Variants in MYO6 observed in about 807,000 individuals in gnomAD.
MYO6 encodes the protein myosin VI.
In MYO6, 74 loss-of-function variants were observed where a neutral mutation model predicts 178.7. That is an observed-to-expected ratio of 0.41 (90% CI 0.34 to 0.50). The LOEUF is 0.50. MYO6 is among the 20% of genes least tolerant of loss of function. The pLI is 0.09. For synonymous variants in MYO6, 477 were observed against 504.6 expected (o/e 0.95, Z 0.73); for missense variants, 1,330 against 1,547.4 (o/e 0.86, Z 2.36).
intron 26 of MYO6, among the ~76,000 whole-genome samples, chr6:75,890,996 C>A (rs1386669347): frequency 6.6e-6 from 1 of 152,128 alleles, no homozygotes; most frequent in South Asian, 2.1e-4. Context: ...TAACCACATT[C>A]ATCTAGAGAT....
chr6:75,886,853 T>C lies in MYO6; in HGVS notation c.2517T>C (p.Gly839=), dbSNP rs112597191. 2.7e-4 allele frequency: 431 copies of C among 1,613,744 alleles called. 1 individual carries two copies. The African/African-American group carries it at 4.6e-3, about 17-fold the overall frequency. Residue 839 remains glycine, a synonymous_variant, in exon 25 of 35, where the codon GGT becomes GGC. Transcript: ENST00000369977. ...CKRRHKPRID[G]LVKVGTLKKR... ...AGTATTATTTTTACAGCATTGATGG[T>C]CTGGTTAAGGTGGGCACACTGAAAA...
chr6:75,785,576 G>A (rs1484427621), intron 1 of MYO6, among the ~76,000 whole-genome samples: 1 of 150,604 alleles, frequency 6.6e-6, no homozygotes, highest in African/African-American at 2.4e-5. Context: ...GGGCTCAAGC[G>A]ATCGTCCCGT....
At chr6:75,809,944 C>T (rs1055644851) in intron 1 of MYO6, among the ~76,000 whole-genome samples, 5 of 148,770 alleles carry the variant, frequency 3.4e-5, no homozygotes, top group South Asian at 2.1e-4. Context: ...ATTAGCTGGG[C>T]GTTGTGGCAG....
In MYO6 at chr6:75,828,565, C is replaced by T. The variant is rs1187748274; in HGVS notation, c.213C>T (p.Ala71=). 1 of 1,580,502 alleles carries T rather than the reference C, an allele frequency of 6.3e-7. No individual in the cohort carries two copies. The highest frequency in any genetic ancestry group is 8.7e-7 in the Non-Finnish European group (1 of 1,150,174). The change falls in exon 4 of 35, where the codon GCC becomes GCT. Residue 71 remains alanine, a synonymous_variant. Coordinates refer to ENST00000369977, the MANE Select transcript of MYO6 (RefSeq NM_004999.4). The stretch of plus-strand genomic sequence containing the variant: ...GTTCACTAATGTATTTAAATGAAGC[C>T]ACACTGCTCCATAATATCAAAGTTC... ...DNCSLMYLNE[A]TLLHNIKVRY...
chr6:75,756,311 G>T (rs952531284), intron 1 of MYO6, among the ~76,000 whole-genome samples: 3 of 151,998 alleles, frequency 2.0e-5, no homozygotes, highest in Non-Finnish European at 4.4e-5. Flanking sequence ...GGTTAGCAAA[G>T]TATAATTTTA....
At chr6:75,779,008 G>A (rs1447126991) in intron 1 of MYO6, among the ~76,000 whole-genome samples, 1 of 139,648 alleles carries the variant, frequency 7.2e-6, no homozygotes, top group East Asian at 2.1e-4. Context: ...AGTGAACCGT[G>A]ATCCCGCCAG....
At chr6:75,810,848 G>C (rs1278278371) in intron 1 of MYO6, among the ~76,000 whole-genome samples, 1 of 152,124 alleles carries the variant, frequency 6.6e-6, no homozygotes, top group Non-Finnish European at 1.5e-5. Flanking sequence ...GGTTGGTCAA[G>C]GAGAGAGTCT....
intron 30 of MYO6, among the ~76,000 whole-genome samples, chr6:75,901,173 C>T: frequency 6.6e-6 from 1 of 152,190 alleles, no homozygotes; most frequent in East Asian, 1.9e-4. Flanking sequence ...AGTGTGATGC[C>T]TCCAGCTTTG....
intron 1 of MYO6, among the ~76,000 whole-genome samples, chr6:75,805,544 T>G (rs1769990440): frequency 6.6e-6 from 1 of 152,152 alleles, no homozygotes; most frequent in South Asian, 2.1e-4. Context: ...CTTTTAACCT[T>G]TTGACACAGA....
Position 75,830,424 on chromosome 6 carries a change from C to A in MYO6, c.270C>A (p.Val90=), listed in dbSNP as rs376613843. ...RYSKDRIYTY[V]ANILIAVNPY... is the part of the protein sequence containing the mutation. ...ATGCTTTTCGTATTTAGACATATGT[C>A]GCCAACATTCTGATTGCAGTGAATC... Residue 90 remains valine (V), a synonymous_variant, in exon 5 of 35, where the codon GTC becomes GTA. Transcript: ENST00000369977. The A allele has an allele frequency of 1.9e-6, 3 of 1,610,650 alleles. No homozygotes were observed. The highest frequency in any genetic ancestry group is 2.7e-5 in the African/African-American group (2 of 74,886).
chr6:75,905,793 C>G (rs1378500047), intron 30 of MYO6, among the ~76,000 whole-genome samples: 1 of 152,208 alleles, frequency 6.6e-6, no homozygotes, highest in East Asian at 1.9e-4. Flanking sequence ...ATCACTATGT[C>G]AAAGAATTTT....
At chr6:75,806,576 G>GATGGCCATA (rs1379972260) in intron 1 of MYO6, among the ~76,000 whole-genome samples, 1 of 152,188 alleles carries the variant, frequency 6.6e-6, no homozygotes, top group African/African-American at 2.4e-5. Flanking sequence ...ACATGTTCAT[G>GATGGCCATA]ATGGCCATAA....
intron 21 of MYO6, 37 bp downstream of exon 21, chr6:75,879,987 G>A: frequency 6.2e-7 from 1 of 1,613,632 alleles, no homozygotes; most frequent in South Asian, 1.1e-5. Context: ...TCTTAGCTAT[G>A]AACTTGTCTT....
intron 3 of MYO6, among the ~76,000 whole-genome samples, chr6:75,824,251 G>A (rs1772205020): frequency 1.3e-5 from 2 of 152,110 alleles, no homozygotes; most frequent in Non-Finnish European, 2.9e-5. Flanking sequence ...ACAAATTTTT[G>A]CAACCTCAGT....
chr6:75,769,370 A>G (rs1778717381), intron 1 of MYO6, among the ~76,000 whole-genome samples: 1 of 152,164 alleles, frequency 6.6e-6, no homozygotes, highest in African/African-American at 2.4e-5. Context: ...AAAACAAGTT[A>G]TTTACTTCCA....
chr6:75,891,882 G>C (rs943261498), intron 27 of MYO6, among the ~76,000 whole-genome samples: 10 of 152,280 alleles, frequency 6.6e-5, no homozygotes, highest in African/African-American at 2.2e-4. Flanking sequence ...TCTCTCTGTA[G>C]AATGTGGATA....
At chr6:75,901,348 G>T in intron 30 of MYO6, among the ~76,000 whole-genome samples, 1 of 152,182 alleles carries the variant, frequency 6.6e-6, no homozygotes, top group South Asian at 2.1e-4. Context: ...TCACGATATT[G>T]ATTCTTCCTA....
rs1209081601 is a variant in MYO6, at chr6:75,802,884, TAA to T, written c.-47-14615_-47-14614del. 2.0e-5 allele frequency among the ~76,000 whole-genome samples: 3 copies of T among 152,192 alleles called. No homozygotes were observed. The East Asian group carries it at 5.8e-4, about 29-fold the overall frequency. On this transcript the variant is annotated intron_variant, in intron 1 of 34. Transcript: ENST00000369977. ...GATTAGTCACAGCATATGGAATATT[TAA>T]ATCACCTGGGATGAATATCTTGCTA...
At chr6:75,775,868 GTGATATTTACAAGGTAGCTTGAATCC>G (rs1289789215) in intron 1 of MYO6, among the ~76,000 whole-genome samples, 2 of 152,174 alleles carry the variant, frequency 1.3e-5, no homozygotes, top group African/African-American at 4.8e-5. Context: ...TGAGTAATTA[GTGATATTTACAAGGTAGCTTGAATCC>G]TGATAGGCAG....
Sources: allele counts gnomAD v4.1 joint callset (sites outside exome capture counted in the v4.1 genomes callset), GRCh38; gene constraint gnomAD v4.1.1; transcripts MANE v1.5; gene names NCBI Gene and HGNC (gene_info 2026-07-23, HGNC 2026-07-21).